Variants in TSGA10 observed in about 807,000 individuals in gnomAD.
TSGA10 encodes the protein testis-specific gene 10 protein.
In TSGA10, 43 loss-of-function variants were observed where a neutral mutation model predicts 96.6. The ratio of observed to expected loss-of-function variants is 0.44; its 90% CI spans 0.35 to 0.57. The LOEUF (loss-of-function observed/expected upper bound fraction) is 0.57. Ranked by LOEUF, TSGA10 falls within the 20% of genes least tolerant of loss-of-function variation. TSGA10 has a pLI of 0.01. For synonymous variants in TSGA10, 229 were observed against 269.9 expected, an observed-to-expected ratio of 0.85 and a Z score of 1.48; for missense variants, 703 against 834.4, an observed-to-expected ratio of 0.84 and a Z score of 1.94.
chr2:99,002,510 G>A (rs2078029571), intron 20 of TSGA10, among the ~76,000 whole-genome samples: 1 of 152,114 alleles, frequency 6.6e-6, no homozygotes, highest in African/African-American at 2.4e-5. Flanking sequence ...AGGAACAACT[G>A]GTACCAGCCA....
chr2:99,030,458 G>A (rs1417372765), intron 17 of TSGA10, among the ~76,000 whole-genome samples: 1 of 152,120 alleles, frequency 6.6e-6, no homozygotes, highest in African/African-American at 2.4e-5. Context: ...GACCAGCCTG[G>A]GCAACATAGC....
chr2:99,123,458 C>T (rs1392446678), intron 2 of TSGA10, among the ~76,000 whole-genome samples: 1 of 152,178 alleles, frequency 6.6e-6, no homozygotes, highest in Non-Finnish European at 1.5e-5. Context: ...ATTCATTCCT[C>T]TCCTCCATTC....
intron 2 of TSGA10, among the ~76,000 whole-genome samples, chr2:99,123,223 T>G (rs540125436): frequency 6.6e-6 from 1 of 152,326 alleles, no homozygotes; most frequent in African/African-American, 2.4e-5. Context: ...TTTGGGTGAC[T>G]CCTGTTAGGT....
In TSGA10 at chr2:99,145,965, C is replaced by G. The variant is rs569080791; in HGVS notation, c.-621+8728G>C. On this transcript the variant is annotated intron_variant, in intron 1 of 20. Transcript: ENST00000393483. ...TGGGCAACACAGTGACACCCTGTCT[C>G]TACAAAAAAAATGAATTTTAAAAAT... Among the ~76,000 whole-genome samples, 6 of 152,128 alleles carry G rather than the reference C, an allele frequency of 3.9e-5. No individual in the cohort carries two copies. The South Asian group carries it at 1.2e-3, about 32-fold the overall frequency.
intron 17 of TSGA10, among the ~76,000 whole-genome samples, chr2:99,029,298 C>G (rs1283125542): frequency 6.6e-6 from 1 of 151,984 alleles, no homozygotes; most frequent in East Asian, 1.9e-4. Context: ...AATTCATGTT[C>G]TCAAAATTCC....
intron 1 of TSGA10, among the ~76,000 whole-genome samples, chr2:99,136,013 A>AAAAAAAAC (rs1191995249): frequency 6.6e-6 from 1 of 152,000 alleles, no homozygotes; most frequent in African/African-American, 2.4e-5. Flanking sequence ...TCGTACCAAA[A>AAAAAAAAC]AAAAAAAAGG....
chr2:99,017,547 C>T (rs1287203239), intron 20 of TSGA10, among the ~76,000 whole-genome samples: 4 of 151,972 alleles, frequency 2.6e-5, no homozygotes, highest in Admixed American at 6.6e-5. Context: ...AGGCGGATCA[C>T]GAGGTCAGGA....
intron 16 of TSGA10, among the ~76,000 whole-genome samples, chr2:99,045,595 G>A (rs1157534554): frequency 4.6e-5 from 7 of 152,144 alleles, no homozygotes; most frequent in Non-Finnish European, 1.5e-5. Flanking sequence ...ACTAAACATG[G>A]AAAGGAACAA....
rs79231118 is a variant in TSGA10, at chr2:99,095,335, A to G, written c.611+8632T>C. ...GGCTATGGGTGCACCAAGATCTCAC[A>G]AATCACTGAAGAATGTACTCATGTA... On this transcript the variant is annotated intron_variant, in intron 10 of 20. Coordinates refer to ENST00000393483, the MANE Select transcript of TSGA10 (RefSeq NM_025244.4). Among the ~76,000 whole-genome samples the G allele has an allele frequency of 7.5e-3, 1,148 of 152,258 alleles. 7 individuals carry two copies. The highest frequency in any genetic ancestry group is 0.012 in the Non-Finnish European group (847 of 68,006).
intron 16 of TSGA10, among the ~76,000 whole-genome samples, chr2:99,064,000 G>C (rs912087359): frequency 6.6e-6 from 1 of 152,060 alleles, no homozygotes; most frequent in Non-Finnish European, 1.5e-5. Flanking sequence ...AAAATTGTCT[G>C]ACAATATCAA....
intron 1 of TSGA10, chr2:99,150,750 C>T (rs1302340257): frequency 3.1e-6 from 5 of 1,613,698 alleles, no homozygotes; most frequent in Non-Finnish European, 4.2e-6. Flanking sequence ...AAGGGACTGG[C>T]ACAGGATCTC....
In TSGA10 at chr2:99,102,442, T is replaced by C. The variant is rs935155289; in HGVS notation, c.611+1525A>G. 4 of 1,614,034 alleles carry C rather than the reference T, an allele frequency of 2.5e-6. No individual in the cohort carries two copies. The Admixed American group carries it at 6.7e-5, about 27-fold the overall frequency. On this transcript the variant is annotated intron_variant, in intron 10 of 20. Transcript: ENST00000393483. ...GGTGAAATGAGAGAAATGCAACAGC[T>C]TTCAGGTGGACAGAAATCCTTGGTA... is the stretch of plus-strand genomic sequence containing the variant.
chr2:99,025,224 T>C (rs2104995352), intron 17 of TSGA10, among the ~76,000 whole-genome samples: 1 of 152,344 alleles, frequency 6.6e-6, no homozygotes, highest in South Asian at 2.1e-4. Flanking sequence ...TCTTGAATCA[T>C]TTGGAAGAAT....
intron 10 of TSGA10, among the ~76,000 whole-genome samples, chr2:99,090,738 T>A (rs766761786): frequency 4.6e-5 from 7 of 151,966 alleles, no homozygotes; most frequent in Non-Finnish European, 5.9e-5. Context: ...AAAAGAATTT[T>A]AAAAAAATGA....
chr2:99,071,751 A>T lies in TSGA10; in HGVS notation c.1062T>A (p.Asn354Lys). The T allele has an allele frequency of 6.2e-7, 1 of 1,613,858 alleles. No individual in the cohort carries two copies. Among genetic ancestry groups the T allele is most frequent in the Non-Finnish European group, 8.5e-7 (1 of 1,179,868 alleles). ...TAGCAAACTGTTCCTGGAGATTGTC[A>T]TTGTCATGAGCCAAGATATCTCTTT... ...ARERDILAHDNDNLQEQFAKA... is the reference protein window; with the variant it reads ...ARERDILAHDKDNLQEQFAKA... The change falls in exon 14 of 21, where the codon AAT becomes AAA. Residue 354 changes from asparagine (N) to lysine (K), a missense_variant. Transcript: ENST00000393483.
intron 17 of TSGA10, among the ~76,000 whole-genome samples, chr2:99,033,856 A>G (rs2105069122): frequency 6.6e-6 from 1 of 152,204 alleles, no homozygotes; most frequent in South Asian, 2.1e-4. Flanking sequence ...AAAAAAAGCC[A>G]AACTGGAATT....
chr2:99,068,563 T>A (rs934481063), intron 15 of TSGA10, among the ~76,000 whole-genome samples: 3 of 152,188 alleles, frequency 2.0e-5, no homozygotes, highest in African/African-American at 4.8e-5. Flanking sequence ...AGGTGGAACC[T>A]CTTTTGTCAG....
At chr2:99,122,615 CAAAAA>C (rs148224475) in intron 2 of TSGA10, among the ~76,000 whole-genome samples, 9 of 53,272 alleles carry the variant, frequency 1.7e-4, no homozygotes, top group Admixed American at 2.3e-4. Context: ...CCATCTCTAC[CAAAAA>C]AAAAAAAAAA....
chr2:99,017,581 C>T (rs374340794), intron 20 of TSGA10, among the ~76,000 whole-genome samples: 120 of 151,720 alleles, frequency 7.9e-4, no homozygotes, highest in African/African-American at 2.6e-3. Flanking sequence ...CCGGCTAAAA[C>T]GGTGAAACCC....
Sources: allele counts gnomAD v4.1 joint callset (sites outside exome capture counted in the v4.1 genomes callset), GRCh38; gene constraint gnomAD v4.1.1; transcripts MANE v1.5; gene names NCBI Gene and HGNC (gene_info 2026-07-23, HGNC 2026-07-21).